HS3ST5: variants seen among roughly 807,000 people sequenced by gnomAD.
HS3ST5 encodes the protein heparan sulfate-glucosamine 3-sulfotransferase 5.
HS3ST5 carries 10 observed loss-of-function variants against 25.4 expected under a neutral mutation model. The ratio of observed to expected loss-of-function variants is 0.39; its 90% CI spans 0.24 to 0.67. The LOEUF is 0.67. Ranked by LOEUF, HS3ST5 falls within the 30% of genes least tolerant of loss-of-function variation. HS3ST5 has a pLI of 0.44. For missense variants in HS3ST5, 324 were observed against 420.7 expected (o/e 0.77, Z 2.01); for synonymous variants, 170 against 162.4 (o/e 1.05, Z -0.36).
At chr6:114,061,639 T>C (rs1773119485) in intron 4 of HS3ST5, among the ~76,000 whole-genome samples, 1 of 152,200 alleles carries the variant, frequency 6.6e-6, no homozygotes, top group Non-Finnish European at 1.5e-5. Flanking sequence ...CTTCAGTCTT[T>C]CCAGTGCAAG....
rs554912610 is a variant in HS3ST5 at position 114,067,220 on chromosome 6, TG to T, written c.-32-4344del. Among the ~76,000 whole-genome samples the T allele has an allele frequency of 1.1e-3, 166 of 152,292 alleles. 1 individual carries two copies. Among genetic ancestry groups the T allele is most frequent in the Non-Finnish European group, 1.9e-3 (130 of 68,010 alleles). On this transcript the variant is annotated intron_variant, in intron 3 of 4. Coordinates refer to ENST00000312719, the MANE Select transcript of HS3ST5 (RefSeq NM_153612.4). ...GGAAAAATCCCAATATGCATTCCAC[TG>T]GTGGGTAGGAATGGGTCATGTCCAT...
At chr6:114,338,865 G>A (rs192926745) in intron 1 of HS3ST5, among the ~76,000 whole-genome samples, 206 of 152,004 alleles carry the variant, frequency 1.4e-3, no homozygotes, top group Admixed American at 3.3e-3. Context: ...CTAAAATACA[G>A]GATTTTTCTG....
At chr6:114,176,795 T>G (rs1387690131) in intron 2 of HS3ST5, among the ~76,000 whole-genome samples, 1 of 152,174 alleles carries the variant, frequency 6.6e-6, no homozygotes, top group African/African-American at 2.4e-5. Context: ...CTCTGGGGTA[T>G]AAATCTATTT....
intron 3 of HS3ST5, among the ~76,000 whole-genome samples, chr6:114,147,875 C>T (rs1778248754): frequency 6.6e-6 from 1 of 152,220 alleles, no homozygotes; most frequent in Non-Finnish European, 1.5e-5. Context: ...GCCACCGCAC[C>T]TGGCAGAGAA....
At chr6:114,180,327 C>T (rs918214161) in intron 2 of HS3ST5, among the ~76,000 whole-genome samples, 7 of 152,068 alleles carry the variant, frequency 4.6e-5, no homozygotes, top group Non-Finnish European at 5.9e-5. Flanking sequence ...TGAGGTCTTT[C>T]TCTGCTTGGG....
At chr6:114,249,868 T>C (rs981699406) in intron 1 of HS3ST5, among the ~76,000 whole-genome samples, 3 of 152,124 alleles carry the variant, frequency 2.0e-5, no homozygotes, top group African/African-American at 7.2e-5. Context: ...TCTCATGGAG[T>C]CTATTTCCAA....
chr6:114,140,500 A>G (rs1777849222), intron 3 of HS3ST5, among the ~76,000 whole-genome samples: 1 of 152,206 alleles, frequency 6.6e-6, no homozygotes, highest in Admixed American at 6.5e-5. Context: ...ATGAATCAGA[A>G]GTTCTCTAAG....
At chr6:114,269,382 C>A (rs1773541611) in intron 1 of HS3ST5, among the ~76,000 whole-genome samples, 1 of 152,068 alleles carries the variant, frequency 6.6e-6, no homozygotes, top group Non-Finnish European at 1.5e-5. Context: ...ATGCATGAAA[C>A]CAGGGATATT....
chr6:114,107,411 C>T (rs1271590546), intron 3 of HS3ST5, among the ~76,000 whole-genome samples: 2 of 152,044 alleles, frequency 1.3e-5, no homozygotes, highest in African/African-American at 4.8e-5. Context: ...AGATCATCAC[C>T]AAAAAACCTG....
intron 3 of HS3ST5, among the ~76,000 whole-genome samples, chr6:114,084,988 C>T (rs1309706763): frequency 1.3e-5 from 2 of 151,854 alleles, no homozygotes; most frequent in African/African-American, 4.8e-5. Context: ...CGCACCACCA[C>T]CCCTGGCTAA....
At position 114,056,127 on chromosome 6, in the gene HS3ST5, A is replaced by G. The variant is rs1392414730; in HGVS notation, c.*1130T>C. Reference sequence around the variant, plus strand: ...GACTCTGATTAGAGGTTCAAATAAAATGGTGATTCTTCTATGCCTTGATTC... The same window carrying G: ...GACTCTGATTAGAGGTTCAAATAAAGTGGTGATTCTTCTATGCCTTGATTC... On this transcript the variant is annotated 3_prime_UTR_variant, in exon 5 of 5. Transcript: ENST00000312719. 1.3e-5 allele frequency: 2 copies of G among 152,232 alleles called. No homozygotes were observed. The highest frequency in any genetic ancestry group is 4.8e-5 in the African/African-American group (2 of 41,452). The allele number at this position is 152,232 out of a possible 1,614,324, so 9.4% of individuals were successfully genotyped here. A position where few individuals can be genotyped will look rare whatever the true frequency, so the allele number is the denominator to read the frequency against.
intron 1 of HS3ST5, among the ~76,000 whole-genome samples, chr6:114,314,574 G>A (rs1282286691): frequency 2.0e-5 from 3 of 152,144 alleles, no homozygotes; most frequent in Non-Finnish European, 4.4e-5. Flanking sequence ...AGTCCCTGAA[G>A]TTCATAGAAA....
Position 114,208,687 on chromosome 6 carries a change from T to C in HS3ST5, c.-145+19898A>G, listed in dbSNP as rs766148014. 4.6e-5 allele frequency among the ~76,000 whole-genome samples: 7 copies of C among 152,288 alleles called. No individual in the cohort carries two copies. In the South Asian group the frequency reaches 8.3e-4, roughly 18 times the overall value. On this transcript the variant is annotated intron_variant, in intron 2 of 4. Transcript: ENST00000312719. ...TATAGATACGTTTGTTGGTATTGCA[T>C]TGTAGGAAAGAAACATTCTTGTCTC...
intron 3 of HS3ST5, among the ~76,000 whole-genome samples, chr6:114,117,280 T>C (rs1209996118): frequency 1.3e-5 from 2 of 152,184 alleles, no homozygotes; most frequent in African/African-American, 4.8e-5. Context: ...TGGCTCCATG[T>C]GATCATGGTT....
chr6:114,237,223 G>A (rs149047241), intron 1 of HS3ST5, among the ~76,000 whole-genome samples: 50 of 151,970 alleles, frequency 3.3e-4, no homozygotes, highest in African/African-American at 1.2e-3. Flanking sequence ...TTCTCTAGTT[G>A]ACAAAAATAT....
At chr6:114,195,832 G>A (rs1780718576) in intron 2 of HS3ST5, among the ~76,000 whole-genome samples, 1 of 152,120 alleles carries the variant, frequency 6.6e-6, no homozygotes. Flanking sequence ...AAATCAGCCT[G>A]CAGGCACAGA....
chr6:114,115,821 A>ACAG (rs1185213957), intron 3 of HS3ST5, among the ~76,000 whole-genome samples: 2 of 152,052 alleles, frequency 1.3e-5, no homozygotes, highest in Non-Finnish European at 2.9e-5. Flanking sequence ...AAGGGTAAGT[A>ACAG]TTTTAGTGTC....
chr6:114,312,894 G>A (rs1222413171), intron 1 of HS3ST5, among the ~76,000 whole-genome samples: 6 of 151,570 alleles, frequency 4.0e-5, no homozygotes, highest in African/African-American at 1.5e-4. Flanking sequence ...GCCGAGCATG[G>A]TGGTACATGC....
chr6:114,173,189 T>C (rs1196599255), intron 2 of HS3ST5, among the ~76,000 whole-genome samples: 1 of 152,248 alleles, frequency 6.6e-6, no homozygotes, highest in African/African-American at 2.4e-5. Context: ...GGGCTAGCAA[T>C]GTTTTAACAA....
Sources: allele counts gnomAD v4.1 joint callset (sites outside exome capture counted in the v4.1 genomes callset), GRCh38; gene constraint gnomAD v4.1.1; transcripts MANE v1.5; gene names NCBI Gene and HGNC (gene_info 2026-07-23, HGNC 2026-07-21).